The following CSMD1 variants were observed in gnomAD, a reference collection of about 807,000 sequenced individuals.
CSMD1 encodes CUB and Sushi multiple domains 1.
In CSMD1, 213 loss-of-function variants were observed where a neutral mutation model predicts 417.5. The ratio of observed to expected loss-of-function variants is 0.51; its 90% confidence interval spans 0.46 to 0.57. CSMD1 has a LOEUF of 0.57. Ranked by LOEUF, CSMD1 falls within the 20% of genes least tolerant of loss-of-function variation. CSMD1 has a pLI of 0.00. For missense variants in CSMD1, 6,923 were observed against 4,529.7 expected (o/e 1.53, Z -15.17); for synonymous variants, 2,862 against 1,736.8 (o/e 1.65, Z -16.11).
chr8:3,836,357 T>C (rs938444185), intron 5 of CSMD1, among the ~76,000 whole-genome samples: 2 of 152,168 alleles, frequency 1.3e-5, no homozygotes, highest in African/African-American at 4.8e-5. Flanking sequence ...GAACTAGCTA[T>C]ATCCTTGTGG....
chr8:3,985,171 C>T (rs1382859887), intron 5 of CSMD1, among the ~76,000 whole-genome samples: 1 of 152,108 alleles, frequency 6.6e-6, no homozygotes, highest in Non-Finnish European at 1.5e-5. Context: ...CTGAGCCTTC[C>T]TTGTCCCTTC....
chr8:4,132,610 A>C (rs1289939017), intron 3 of CSMD1, among the ~76,000 whole-genome samples: 2 of 152,170 alleles, frequency 1.3e-5, no homozygotes, highest in Non-Finnish European at 2.9e-5. Flanking sequence ...TCATTCCAGC[A>C]CAGTGTTTGG....
In CSMD1 at chr8:3,308,498, C is replaced by T; in HGVS notation, c.3637G>A (p.Asp1213Asn). ...CCCGGATCCTCACATTTTACCAGATCAAAACCTGCAAGAGAGAAAGGCAAG... is the reference window on the plus strand; with the variant it reads ...CCCGGATCCTCACATTTTACCAGATTAAAACCTGCAAGAGAGAAAGGCAAG... ...QGFQLTYTSFDLVKCEDPGIP... is the reference protein window; with the variant it reads ...QGFQLTYTSFNLVKCEDPGIP... The change falls in exon 24 of 70, where the codon GAT becomes AAT. Residue 1213 changes from aspartate (D) to asparagine (N), a missense_variant. Transcript: ENST00000635120. 2 of 1,609,800 alleles carry T rather than the reference C, an allele frequency of 1.2e-6. No individual in the cohort carries two copies. The highest frequency in any genetic ancestry group is 1.7e-6 in the Non-Finnish European group (2 of 1,177,110).
intron 12 of CSMD1, among the ~76,000 whole-genome samples, chr8:3,431,207 C>T (rs1814198433): frequency 6.6e-6 from 1 of 152,146 alleles, no homozygotes; most frequent in African/African-American, 2.4e-5. Flanking sequence ...CCCAGTTCCA[C>T]TAAGACACAG....
Position 4,143,461 on chromosome 8 carries a change from G to A in CSMD1, c.416-111362C>T, listed in dbSNP as rs142211968. 7.4e-4 allele frequency among the ~76,000 whole-genome samples: 112 copies of A among 150,594 alleles called. 3 individuals are homozygous for A. In the East Asian group the frequency reaches 0.018, roughly 24 times the overall value. On this transcript the variant is annotated intron_variant, in intron 3 of 69. Transcript: ENST00000635120. The stretch of plus-strand genomic sequence containing the variant: ...CCTTTGGTAAATTTGTTTTATTACA[G>A]GAGGTGTTTAATATATGGCTCATAG...
chr8:3,081,273 G>C (rs149392242), intron 49 of CSMD1, among the ~76,000 whole-genome samples: 70 of 152,170 alleles, frequency 4.6e-4, no homozygotes, highest in African/African-American at 1.6e-3. Context: ...GGAGAAGAAC[G>C]AATGTCCTTT....
chr8:3,100,618 C>T (rs191016562), intron 46 of CSMD1, among the ~76,000 whole-genome samples: 1 of 149,542 alleles, frequency 6.7e-6, no homozygotes, highest in African/African-American at 2.6e-5. Flanking sequence ...AAGCTTGCCT[C>T]TCTCAGACAT....
chr8:4,779,769 A>C lies in CSMD1; in HGVS notation c.86-142211T>G, dbSNP rs900613033. On this transcript the variant is annotated intron_variant, in intron 1 of 69. Coordinates refer to ENST00000635120, the MANE Select transcript of CSMD1 (RefSeq NM_033225.6). ...AAATCCTGCTAATTGCGGTTTGCTG[A>C]TGCCAGAGCCCTTTTGGCAATGACG... Among the ~76,000 whole-genome samples the C allele has an allele frequency of 1.6e-4, 24 of 152,310 alleles. 1 individual carries two copies. Among genetic ancestry groups the C allele is most frequent in the African/African-American group, 5.8e-4 (24 of 41,582 alleles).
intron 53 of CSMD1, among the ~76,000 whole-genome samples, chr8:2,999,063 A>C (rs1807161820): frequency 6.6e-6 from 1 of 152,164 alleles, no homozygotes. Context: ...TGTTCGAAAA[A>C]TAGTCAATAT....
Position 3,444,033 on chromosome 8 carries a change from C to T in CSMD1, c.1561+24679G>A, listed in dbSNP as rs74660372. On this transcript the variant is annotated intron_variant, in intron 12 of 69. Transcript: ENST00000635120. ...AAACCTTGCAGTGCTGAATGTGAATCAGGCGTATCAGCATGAAATCTTGTC... is the reference window on the plus strand; with the variant it reads ...AAACCTTGCAGTGCTGAATGTGAATTAGGCGTATCAGCATGAAATCTTGTC... Among the ~76,000 whole-genome samples, 882 of 152,192 alleles carry T rather than the reference C, an allele frequency of 5.8e-3. 24 individuals are homozygous for T. The South Asian group carries it at 0.07, about 12-fold the overall frequency.
At chr8:3,552,524 G>T (rs1413485449) in intron 10 of CSMD1, among the ~76,000 whole-genome samples, 1 of 152,128 alleles carries the variant, frequency 6.6e-6, no homozygotes, top group East Asian at 1.9e-4. Flanking sequence ...AGACTCAAAA[G>T]TTTTTTTGAA....
intron 11 of CSMD1, among the ~76,000 whole-genome samples, chr8:3,479,479 C>T (rs917812147): frequency 1.3e-5 from 2 of 152,020 alleles, no homozygotes; most frequent in African/African-American, 4.8e-5. Context: ...GGGGTTTCTC[C>T]GTATTGGTCA....
intron 26 of CSMD1, among the ~76,000 whole-genome samples, chr8:3,243,117 G>C (rs186459545): frequency 1.3e-5 from 2 of 152,294 alleles, no homozygotes; most frequent in East Asian, 1.9e-4. Flanking sequence ...ATTGAAAGGA[G>C]AAAGTGGTTG....
At chr8:3,457,639 A>G (rs927825883) in intron 12 of CSMD1, among the ~76,000 whole-genome samples, 2 of 152,238 alleles carry the variant, frequency 1.3e-5, no homozygotes, top group African/African-American at 4.8e-5. Context: ...GTAATGCAAA[A>G]TATCATCCAT....
At chr8:3,282,982 G>C (rs34622585) in intron 26 of CSMD1, among the ~76,000 whole-genome samples, 4 of 151,826 alleles carry the variant, frequency 2.6e-5, no homozygotes, top group African/African-American at 4.8e-5. Context: ...GGTGCCATCC[G>C]AAGGGCACTA....
At chr8:3,658,872 G>A (rs1188638529) in intron 7 of CSMD1, among the ~76,000 whole-genome samples, 1 of 152,172 alleles carries the variant, frequency 6.6e-6, no homozygotes, top group African/African-American at 2.4e-5. Flanking sequence ...TCCAGGGGAT[G>A]TTTCGAATGC....
In CSMD1 at chr8:3,873,444, A is replaced by T. The variant is rs1805616639; in HGVS notation, c.819-119402T>A. Among the ~76,000 whole-genome samples the T allele has an allele frequency of 2.0e-5, 3 of 152,142 alleles. No homozygotes were observed. In the South Asian group the frequency reaches 6.2e-4, roughly 32 times the overall value. ...TGGAGGCCATTATCTTTAGCAAACT[A>T]ACACAGCAACAGAAAACCAAATACC... is the stretch of plus-strand genomic sequence containing the variant. On this transcript the variant is annotated intron_variant, in intron 5 of 69. Transcript: ENST00000635120.
chr8:3,989,678 G>T (rs1487373992), intron 5 of CSMD1, among the ~76,000 whole-genome samples: 1 of 152,192 alleles, frequency 6.6e-6, no homozygotes, highest in Non-Finnish European at 1.5e-5. Context: ...AAACGATACT[G>T]TGATACTCTA....
chr8:3,377,462 G>T (rs1448303537), intron 18 of CSMD1, among the ~76,000 whole-genome samples: 1 of 152,242 alleles, frequency 6.6e-6, no homozygotes, highest in Non-Finnish European at 1.5e-5. Flanking sequence ...AAATGAATAA[G>T]CTAAGTGTAC....
Sources: allele counts gnomAD v4.1 joint callset (sites outside exome capture counted in the v4.1 genomes callset), GRCh38; gene constraint gnomAD v4.1.1; transcripts MANE v1.5; gene names NCBI Gene and HGNC (gene_info 2026-07-23, HGNC 2026-07-21).